The following NKAIN3 variants were observed in gnomAD, a reference collection of about 807,000 sequenced individuals.
NKAIN3 encodes the protein sodium/potassium-transporting ATPase subunit beta-1-interacting protein 3.
In NKAIN3, 25 loss-of-function variants were observed where a neutral mutation model predicts 30.2. The observed-to-expected ratio is 0.83, with a 90% CI of 0.60 to 1.16. The LOEUF (loss-of-function observed/expected upper bound fraction) is 1.16, where lower values mean the gene tolerates loss of function less well. NKAIN3 is among the 50% of genes most tolerant of loss of function. The pLI, the probability that NKAIN3 is intolerant of heterozygous loss-of-function variation, is 0.00. For missense variants in NKAIN3, 225 were observed against 254.1 expected (o/e 0.89, Z 0.78); for synonymous variants, 91 against 89.6 (o/e 1.02, Z -0.09).
chr8:62,856,609 T>A, intron 4 of NKAIN3: 1 of 778,966 alleles, frequency 1.3e-6, no homozygotes, highest in Non-Finnish European at 2.4e-6. Flanking sequence ...TTGTTATGAC[T>A]CATCATGAAC....
At chr8:62,476,168 A>T (rs1228162949) in intron 1 of NKAIN3, among the ~76,000 whole-genome samples, 1 of 152,200 alleles carries the variant, frequency 6.6e-6, no homozygotes, top group African/African-American at 2.4e-5. Flanking sequence ...TCTAAGACAA[A>T]GTAAGAAGGC....
chr8:62,279,207 C>A (rs1813083962), intron 1 of NKAIN3, among the ~76,000 whole-genome samples: 1 of 152,106 alleles, frequency 6.6e-6, no homozygotes, highest in Non-Finnish European at 1.5e-5. Context: ...TATCCTTCAC[C>A]CACTTTTGAT....
chr8:62,631,175 A>G (rs1263347667), intron 3 of NKAIN3, among the ~76,000 whole-genome samples: 1 of 152,154 alleles, frequency 6.6e-6, no homozygotes, highest in African/African-American at 2.4e-5. Context: ...ACTTTTGACC[A>G]TACTACCATC....
intron 6 of NKAIN3, among the ~76,000 whole-genome samples, chr8:62,963,398 CA>C (rs1823625996): frequency 6.6e-6 from 1 of 152,140 alleles, no homozygotes; most frequent in Non-Finnish European, 1.5e-5. Flanking sequence ...ACTGCTTCAC[CA>C]ATCCATGTTG....
At chr8:62,573,251 C>G (rs947111802) in intron 1 of NKAIN3, among the ~76,000 whole-genome samples, 1 of 152,126 alleles carries the variant, frequency 6.6e-6, no homozygotes, top group Admixed American at 6.6e-5. Context: ...AAGTTTTTTA[C>G]AATTTGATTC....
intron 1 of NKAIN3, among the ~76,000 whole-genome samples, chr8:62,336,354 A>G (rs779006957): frequency 6.6e-6 from 1 of 152,054 alleles, no homozygotes; most frequent in South Asian, 2.1e-4. Flanking sequence ...GTGGATGTCC[A>G]TTAAGTTTCT....
chr8:62,344,002 T>G (rs751049583), intron 1 of NKAIN3, among the ~76,000 whole-genome samples: 1 of 152,068 alleles, frequency 6.6e-6, no homozygotes, highest in Non-Finnish European at 1.5e-5. Flanking sequence ...CATTAGAGAA[T>G]TATGCAAATA....
At chr8:62,326,934 A>G (rs1815161167) in intron 1 of NKAIN3, among the ~76,000 whole-genome samples, 1 of 151,958 alleles carries the variant, frequency 6.6e-6, no homozygotes, top group Non-Finnish European at 1.5e-5. Context: ...GGGAATAAAG[A>G]TGCTAATTTG....
intron 1 of NKAIN3, among the ~76,000 whole-genome samples, chr8:62,576,986 A>G (rs1048390327): frequency 5.3e-5 from 8 of 152,186 alleles, no homozygotes; most frequent in Non-Finnish European, 8.8e-5. Flanking sequence ...ATGGCTAAAT[A>G]ACTAAAATGG....
intron 3 of NKAIN3, among the ~76,000 whole-genome samples, chr8:62,708,991 T>G (rs2882925): frequency 0.86 from 130,177 of 151,922 alleles, 55,940 homozygotes; most frequent in Admixed American, 0.89. Context: ...GTTTGATTTT[T>G]ATTTTTAATT....
At chr8:62,942,640 G>C (rs895162154) in intron 5 of NKAIN3, among the ~76,000 whole-genome samples, 1 of 151,912 alleles carries the variant, frequency 6.6e-6, no homozygotes. Flanking sequence ...ATGCTACAAG[G>C]CTATAGTCAC....
intron 1 of NKAIN3, among the ~76,000 whole-genome samples, chr8:62,365,490 T>TAG (rs1816706734): frequency 1.3e-5 from 2 of 152,340 alleles, no homozygotes; most frequent in South Asian, 4.1e-4. Flanking sequence ...TTGTTGTATG[T>TAG]AGTGCTAGTT....
At chr8:62,375,568 C>T (rs544942160) in intron 1 of NKAIN3, among the ~76,000 whole-genome samples, 56 of 152,144 alleles carry the variant, frequency 3.7e-4, no homozygotes, top group African/African-American at 1.2e-3. Context: ...GATTCATAAG[C>T]GTAAATACTA....
At chr8:62,739,683 A>G (rs1815801884) in intron 3 of NKAIN3, among the ~76,000 whole-genome samples, 1 of 152,182 alleles carries the variant, frequency 6.6e-6, no homozygotes, top group African/African-American at 2.4e-5. Context: ...AAGTGATCGT[A>G]TCTAAGGAAG....
At chr8:62,485,103 A>G (rs1316591751) in intron 1 of NKAIN3, among the ~76,000 whole-genome samples, 3 of 152,176 alleles carry the variant, frequency 2.0e-5, no homozygotes, top group Non-Finnish European at 4.4e-5. Flanking sequence ...AGAGAGAGGC[A>G]TGGTCATAAC....
intron 1 of NKAIN3, among the ~76,000 whole-genome samples, chr8:62,553,512 G>A (rs1204554514): frequency 1.3e-5 from 2 of 151,376 alleles, no homozygotes; most frequent in Non-Finnish European, 2.9e-5. Context: ...CGATGAAAAT[G>A]AGCATGTTGT....
intron 1 of NKAIN3, among the ~76,000 whole-genome samples, chr8:62,314,563 A>C (rs1585667395): frequency 1.3e-5 from 2 of 152,308 alleles, no homozygotes; most frequent in East Asian, 3.9e-4. Flanking sequence ...TCTGCTTTCA[A>C]ATATTTCCTG....
chr8:62,500,208 T>C (rs898984962), intron 1 of NKAIN3, among the ~76,000 whole-genome samples: 1 of 152,058 alleles, frequency 6.6e-6, no homozygotes, highest in African/African-American at 2.4e-5. Context: ...CAGAATGAGC[T>C]AGTGGCAGAG....
intron 1 of NKAIN3, among the ~76,000 whole-genome samples, chr8:62,498,243 G>A (rs1370385370): frequency 6.6e-6 from 1 of 152,020 alleles, no homozygotes; most frequent in Non-Finnish European, 1.5e-5. Context: ...GGGAAGAATT[G>A]GTCTGAAGAA....
Sources: gnomAD v4.1 joint callset for allele counts (sites outside exome capture counted in the v4.1 genomes callset) on GRCh38, gnomAD v4.1.1 for gene constraint, MANE v1.5 for transcripts, NCBI Gene and HGNC (gene_info 2026-07-23, HGNC 2026-07-21) for gene names.